The following ZRANB3 variants were observed in gnomAD, a reference collection of about 807,000 sequenced individuals.
ZRANB3 encodes DNA annealing helicase and endonuclease ZRANB3.
In ZRANB3, 125 loss-of-function variants were observed where a neutral mutation model predicts 133.8. The ratio of observed to expected loss-of-function variants is 0.93; its 90% confidence interval spans 0.81 to 1.08. The LOEUF (loss-of-function observed/expected upper bound fraction) is 1.08, where lower values mean the gene tolerates loss of function less well. Among genes scored for constraint, ZRANB3 ranks in the 50% least tolerant of loss-of-function variants. The pLI is 0.00. For synonymous variants in ZRANB3, 387 were observed against 432.7 expected (o/e 0.89, Z 1.31); for missense variants, 1,229 against 1,275.5 (o/e 0.96, Z 0.56).
rs1417964481 is a variant in ZRANB3, at chr2:135,344,341, A to G, written c.677+1209T>C. On this transcript the variant is annotated intron_variant, in intron 6 of 20. Transcript: ENST00000264159. ...ATACTACCTCTCAACATGTGCAAAG[A>G]TATTCATTGCTGCATTGTATGCACA... 3.9e-5 allele frequency among the ~76,000 whole-genome samples: 6 copies of G among 152,250 alleles called. 1 individual carries two copies. The highest frequency in any genetic ancestry group is 3.3e-4 in the Admixed American group (5 of 15,282).
chr2:135,456,316 C>A (rs1384471084), intron 2 of ZRANB3, among the ~76,000 whole-genome samples: 2 of 152,330 alleles, frequency 1.3e-5, no homozygotes, highest in East Asian at 3.9e-4. Context: ...GGTTCTCCAT[C>A]TAGCTGGCAA....
chr2:135,472,738 C>G (rs1691326246), intron 2 of ZRANB3, among the ~76,000 whole-genome samples: 1 of 152,080 alleles, frequency 6.6e-6, no homozygotes, highest in Non-Finnish European at 1.5e-5. Context: ...ATATCAGCCA[C>G]CTCTGTTATT....
At chr2:135,398,947 C>T (rs1347364139) in intron 2 of ZRANB3, among the ~76,000 whole-genome samples, 2 of 152,168 alleles carry the variant, frequency 1.3e-5, no homozygotes, top group African/African-American at 2.4e-5. Context: ...ACACTGTGTT[C>T]AGTACACTTG....
chr2:135,300,675 T>A (rs1682383622), intron 8 of ZRANB3, among the ~76,000 whole-genome samples: 1 of 152,200 alleles, frequency 6.6e-6, no homozygotes, highest in African/African-American at 2.4e-5. Context: ...CAATCACCAA[T>A]GTCTACTGAT....
chr2:135,244,425 G>A (rs1695693676), intron 12 of ZRANB3, among the ~76,000 whole-genome samples: 1 of 152,128 alleles, frequency 6.6e-6, no homozygotes, highest in African/African-American at 2.4e-5. Context: ...GGCCAACACG[G>A]TGAAACCCTG....
rs747654371 is a variant in ZRANB3 at position 135,227,817 on chromosome 2, C to T, written c.2153G>A (p.Gly718Asp). 1.9e-6 allele frequency: 3 copies of T among 1,570,170 alleles called. No individual in the cohort carries two copies. The highest frequency in any genetic ancestry group is 1.3e-5 in the African/African-American group (1 of 74,268). ...EKEDGLTSQP[G>D]NEQWKSSDTL... is the part of the protein sequence containing the mutation. ...GAAATGGAAACAAGACTTACCATTA[C>T]CTGGCTGGGATGTAAGTCCGTCTTC... The change falls in exon 14 of 21, where the codon GGT becomes GAT. Residue 718 changes from glycine to aspartate, a missense_variant. Gly to Asp is a moderately conservative substitution (Grantham distance 94). Transcript: ENST00000264159.
intron 2 of ZRANB3, among the ~76,000 whole-genome samples, chr2:135,459,803 A>C (rs1293963717): frequency 6.6e-6 from 1 of 152,198 alleles, no homozygotes; most frequent in African/African-American, 2.4e-5. Flanking sequence ...ACTAAGAAAA[A>C]GGAATCTTTG....
chr2:135,471,837 T>C (rs1691285076), intron 2 of ZRANB3, among the ~76,000 whole-genome samples: 1 of 152,242 alleles, frequency 6.6e-6, no homozygotes. Flanking sequence ...TAAAGTTATT[T>C]TGCCTTTAGC....
chr2:135,384,033 C>CA (rs759302499), intron 3 of ZRANB3, among the ~76,000 whole-genome samples: 29 of 151,930 alleles, frequency 1.9e-4, no homozygotes, highest in Admixed American at 4.6e-4. Context: ...AAAAACCCTT[C>CA]AAAAAATCAA....
intron 15 of ZRANB3, among the ~76,000 whole-genome samples, chr2:135,222,862 G>T (rs1424988143): frequency 1.3e-5 from 2 of 151,992 alleles, no homozygotes; most frequent in African/African-American, 4.8e-5. Flanking sequence ...TATAATCCTA[G>T]CACTTTAGGA....
chr2:135,463,328 T>G (rs547354201), intron 2 of ZRANB3, among the ~76,000 whole-genome samples: 1 of 152,314 alleles, frequency 6.6e-6, no homozygotes, highest in South Asian at 2.1e-4. Context: ...TATAAAACAT[T>G]TAAAACAATG....
chr2:135,415,646 C>A (rs1360864954), intron 2 of ZRANB3, among the ~76,000 whole-genome samples: 4 of 152,128 alleles, frequency 2.6e-5, no homozygotes. Flanking sequence ...TGGGCAGAGA[C>A]ACAGCCAAAA....
chr2:135,487,290 T>C (rs921873679), intron 2 of ZRANB3, among the ~76,000 whole-genome samples: 2 of 152,240 alleles, frequency 1.3e-5, no homozygotes, highest in African/African-American at 4.8e-5. Context: ...TTTGTTATTC[T>C]ACTTATAGAA....
intron 11 of ZRANB3, among the ~76,000 whole-genome samples, chr2:135,267,643 G>T (rs1225583610): frequency 1.3e-5 from 2 of 152,022 alleles, no homozygotes; most frequent in Admixed American, 1.3e-4. Context: ...ATGAGAAAAG[G>T]TTTAACTGGA....
chr2:135,374,181 C>A (rs1157819669), intron 3 of ZRANB3, among the ~76,000 whole-genome samples: 2 of 152,080 alleles, frequency 1.3e-5, no homozygotes, highest in Non-Finnish European at 2.9e-5. Context: ...CCAAGGTGGG[C>A]GGATCACCTG....
At chr2:135,364,172 G>C (rs1266755485) in intron 3 of ZRANB3, among the ~76,000 whole-genome samples, 3 of 152,088 alleles carry the variant, frequency 2.0e-5, no homozygotes, top group African/African-American at 4.8e-5. Flanking sequence ...AAGCAAAAAT[G>C]ATTCTTATGT....
chr2:135,353,044 T>A (rs948396497), intron 4 of ZRANB3, among the ~76,000 whole-genome samples: 1 of 152,134 alleles, frequency 6.6e-6, no homozygotes, highest in Non-Finnish European at 1.5e-5. Context: ...AAAACTTGCA[T>A]ATTAATTAAC....
At chr2:135,243,428 G>A (rs1167933604) in intron 12 of ZRANB3, among the ~76,000 whole-genome samples, 6 of 152,102 alleles carry the variant, frequency 3.9e-5, no homozygotes, top group Admixed American at 1.3e-4. Flanking sequence ...CAGGGAACCC[G>A]GCAGGCAGAG....
chr2:135,444,182 A>G (rs1689917309), intron 2 of ZRANB3, among the ~76,000 whole-genome samples: 1 of 152,154 alleles, frequency 6.6e-6, no homozygotes, highest in South Asian at 2.1e-4. Context: ...AATGTAAAAT[A>G]GTATAGCCAC....
Sources: gnomAD v4.1 joint callset for allele counts (sites outside exome capture counted in the v4.1 genomes callset) on GRCh38, gnomAD v4.1.1 for gene constraint, MANE v1.5 for transcripts, NCBI Gene and HGNC (gene_info 2026-07-23, HGNC 2026-07-21) for gene names.